Variants in USP25 observed in about 807,000 individuals in gnomAD.
USP25 encodes ubiquitin specific peptidase 25.
USP25 carries 85 observed loss-of-function variants against 158.5 expected under a neutral mutation model. The ratio of observed to expected loss-of-function variants is 0.54; its 90% CI spans 0.45 to 0.64. USP25 has a LOEUF of 0.64. Ranked by LOEUF, USP25 falls within the 30% of genes least tolerant of loss-of-function variation. USP25 has a pLI of 0.00. For synonymous variants in USP25, 464 were observed against 460.4 expected, an observed-to-expected ratio of 1.01 and a Z score of -0.10; for missense variants, 1,242 against 1,327.3, an observed-to-expected ratio of 0.94 and a Z score of 1.00.
chr21:15,844,253 A>C (rs1384137137), intron 18 of USP25, among the ~76,000 whole-genome samples: 1 of 152,126 alleles, frequency 6.6e-6, no homozygotes, highest in Non-Finnish European at 1.5e-5. Context: ...TTTTTCATTT[A>C]AACTTAGCGT....
intron 4 of USP25, among the ~76,000 whole-genome samples, chr21:15,787,577 A>G (rs922017426): frequency 2.0e-5 from 3 of 152,106 alleles, no homozygotes; most frequent in African/African-American, 4.8e-5. Flanking sequence ...ATTTTGAAAC[A>G]TTCGCTGTTT....
chr21:15,779,076 G>A (rs962718040), intron 4 of USP25, among the ~76,000 whole-genome samples: 1 of 151,946 alleles, frequency 6.6e-6, no homozygotes, highest in South Asian at 2.1e-4. Flanking sequence ...ATCTTAGTGC[G>A]ACTTTTTAAT....
At chr21:15,764,640 G>A (rs2033927896) in intron 2 of USP25, among the ~76,000 whole-genome samples, 1 of 151,860 alleles carries the variant, frequency 6.6e-6, no homozygotes, top group Admixed American at 6.6e-5. Context: ...ATTATATGAG[G>A]TAATATATGA....
chr21:15,873,961 A>G (rs2039999283), intron 23 of USP25, among the ~76,000 whole-genome samples: 1 of 149,714 alleles, frequency 6.7e-6, no homozygotes, highest in Non-Finnish European at 1.5e-5. Context: ...CTGCACATAG[A>G]AAAGAACCTG....
intron 20 of USP25, among the ~76,000 whole-genome samples, chr21:15,859,353 T>C (rs1211768320): frequency 6.6e-6 from 1 of 151,934 alleles, no homozygotes; most frequent in East Asian, 1.9e-4. Context: ...CCACCACGCC[T>C]GGCTAAGTTT....
chr21:15,816,036 T>A lies in USP25; in HGVS notation c.932-2662T>A, dbSNP rs2036921020. Among the ~76,000 whole-genome samples the A allele has an allele frequency of 2.0e-5, 3 of 152,170 alleles. No homozygotes were observed. Among genetic ancestry groups the A allele is most frequent in the South Asian group, 4.1e-4 (2 of 4,826 alleles). On this transcript the variant is annotated intron_variant, in intron 9 of 25. Coordinates refer to ENST00000400183, the MANE Select transcript of USP25 (RefSeq NM_001283041.3). This position sits in a 1 kb window ranked among gnomAD's most constrained non-coding sequence, Gnocchi z 4.0. ...AGGGGCTAGGGCTGGAATGATGTGG[T>A]TCAGCTGTGTCCTGATGTAAATCTC...
Position 15,826,868 on chromosome 21 carries a change from A to C in USP25, c.1467-109A>C. ...AGATCAATCCACATATTTCTTTAAG[A>C]TTTTTTCTTTTGAATTACAAGCCAA... On this transcript the variant is annotated intron_variant, in intron 13 of 25. Coordinates refer to ENST00000400183, the MANE Select transcript of USP25 (RefSeq NM_001283041.3). The surrounding 1 kb of genome is among the most constrained non-coding windows in gnomAD (Gnocchi z 4.8). 9.7e-7 allele frequency: 1 copy of C among 1,027,918 alleles called. No individual in the cohort carries two copies. The highest frequency in any genetic ancestry group is 1.4e-6 in the Non-Finnish European group (1 of 709,358). The allele number at this position is 1,027,918 out of a possible 1,614,324, so 63.7% of individuals were successfully genotyped here.
chr21:15,776,048 A>G (rs981484271), intron 3 of USP25, among the ~76,000 whole-genome samples: 2 of 152,084 alleles, frequency 1.3e-5, no homozygotes, highest in African/African-American at 4.8e-5. Flanking sequence ...CCATTTTAAT[A>G]ACCAAGATAG....
chr21:15,765,243 G>A lies in USP25; in HGVS notation c.124-754G>A, dbSNP rs117864239. 5.2e-3 allele frequency among the ~76,000 whole-genome samples: 787 copies of A among 152,138 alleles called. 7 individuals are homozygous for A. The highest frequency in any genetic ancestry group is 5.0e-3 in the Non-Finnish European group (342 of 67,958). ...TTTGGTTAACTGTTTTAGAGCTAAC[G>A]TTTTACTTGCTGTCAGTTGTGCAGA... On this transcript the variant is annotated intron_variant, in intron 2 of 25. Transcript: ENST00000400183.
At chr21:15,730,496 C>G in intron 1 of USP25, 58 bp downstream of exon 1, 3 of 1,300,898 alleles carry the variant, frequency 2.3e-6, no homozygotes, top group Non-Finnish European at 2.9e-6. Flanking sequence ...GCTGTCCTCT[C>G]CCGCTGCGGC....
intron 19 of USP25, 131 bp downstream of exon 19, chr21:15,847,907 C>A: frequency 2.2e-6 from 1 of 453,922 alleles, no homozygotes. Flanking sequence ...CCTCATAGTC[C>A]AAAATTACTT....
chr21:15,801,523 A>G (rs1183966051), intron 6 of USP25, among the ~76,000 whole-genome samples: 2 of 151,610 alleles, frequency 1.3e-5, no homozygotes, highest in African/African-American at 4.8e-5. Context: ...GTATAGTGAC[A>G]GCAGTACACA....
chr21:15,791,719 G>A, intron 5 of USP25, 55 bp downstream of exon 5: 1 of 1,536,730 alleles, frequency 6.5e-7, no homozygotes, highest in Non-Finnish European at 8.8e-7. Flanking sequence ...GCAATGGAAA[G>A]TGAGTTGGTT....
intron 17 of USP25, among the ~76,000 whole-genome samples, chr21:15,834,331 G>A (rs2037955778): frequency 6.6e-6 from 1 of 152,080 alleles, no homozygotes; most frequent in Admixed American, 6.6e-5. Flanking sequence ...CATGTTTTCT[G>A]GTATAGAAAA....
At chr21:15,846,135 TA>T (rs2038581173) in intron 18 of USP25, among the ~76,000 whole-genome samples, 4 of 48,496 alleles carry the variant, frequency 8.2e-5, no homozygotes, top group African/African-American at 2.6e-4. Flanking sequence ...TATATATATA[TA>T]TATATATATA....
chr21:15,787,296 A>T (rs2035334191), intron 4 of USP25, among the ~76,000 whole-genome samples: 1 of 152,148 alleles, frequency 6.6e-6, no homozygotes, highest in Admixed American at 6.6e-5. Flanking sequence ...AAATAGCCAA[A>T]GCAAGCCTGA....
intron 8 of USP25, among the ~76,000 whole-genome samples, chr21:15,809,405 T>C: frequency 6.6e-6 from 1 of 152,006 alleles, no homozygotes. Flanking sequence ...GTGGCCTAAC[T>C]TCAAAGTGAG....
intron 1 of USP25, among the ~76,000 whole-genome samples, chr21:15,747,181 A>G (rs889859641): frequency 6.6e-6 from 1 of 151,916 alleles, no homozygotes; most frequent in African/African-American, 2.4e-5. Context: ...TTTATGGTTT[A>G]GATACTACTT....
At chr21:15,733,565 G>C (rs113670557) in intron 1 of USP25, among the ~76,000 whole-genome samples, 26 of 152,190 alleles carry the variant, frequency 1.7e-4, no homozygotes, top group African/African-American at 5.8e-4. Context: ...CACCTGCCAG[G>C]AGTGGTGTCT....
Sources: gnomAD v4.1 joint callset for allele counts (sites outside exome capture counted in the v4.1 genomes callset) on GRCh38, gnomAD v4.1.1 for gene constraint, Gnocchi (gnomAD v3.1) non-coding constraint, MANE v1.5 for transcripts, NCBI Gene and HGNC (gene_info 2026-07-23, HGNC 2026-07-21) for gene names.